The following HHAT variants were observed in gnomAD, a reference collection of about 807,000 sequenced individuals.
HHAT encodes the protein hedgehog acyltransferase.
A neutral mutation model predicts 70.8 loss-of-function variants in HHAT; 47 were observed. That is an observed-to-expected ratio of 0.66 (90% CI 0.53 to 0.85). The LOEUF (loss-of-function observed/expected upper bound fraction) is 0.85. HHAT is among the 40% of genes least tolerant of loss of function. The probability of loss-of-function intolerance (pLI) is 0.00; values close to 1 mark genes in which losing one functional copy is unlikely to be tolerated. For synonymous variants in HHAT, 228 were observed against 247.6 expected (o/e 0.92, Z 0.74); for missense variants, 609 against 604.8 (o/e 1.01, Z -0.07).
chr1:210,470,562 G>A lies in HHAT; in HGVS notation c.1007+5907G>A, dbSNP rs537345237. ...ACTATCAAGTTAAAGCAAATTTTACGAACCATCATTATGTTTCGCTTCCTG... is the reference window on the plus strand; with the variant it reads ...ACTATCAAGTTAAAGCAAATTTTACAAACCATCATTATGTTTCGCTTCCTG... On this transcript the variant is annotated intron_variant, in intron 8 of 11. Transcript: ENST00000261458. 1.6e-4 allele frequency among the ~76,000 whole-genome samples: 25 copies of A among 152,176 alleles called. No individual in the cohort carries two copies. The South Asian group carries it at 4.1e-3, about 25-fold the overall frequency.
intron 11 of HHAT, among the ~76,000 whole-genome samples, chr1:210,663,827 C>T (rs1409583259): frequency 6.6e-6 from 1 of 152,236 alleles, no homozygotes; most frequent in African/African-American, 2.4e-5. Context: ...TCAGCCTGTC[C>T]TCCAGGTGAT....
At chr1:210,580,491 AC>A (rs1471775500) in intron 9 of HHAT, among the ~76,000 whole-genome samples, 48 of 39,196 alleles carry the variant, frequency 1.2e-3, no homozygotes, top group Admixed American at 6.9e-3. Flanking sequence ...CCCTCCCCCC[AC>A]CCCCCACCCC....
At chr1:210,586,348 G>A (rs78153590) in intron 9 of HHAT, among the ~76,000 whole-genome samples, 1,655 of 152,220 alleles carry the variant, frequency 0.011, 30 homozygotes, top group African/African-American at 0.034. Context: ...GCTAAAGTGG[G>A]AGGATTATCT....
At chr1:210,473,334 G>C (rs1358723991) in intron 8 of HHAT, among the ~76,000 whole-genome samples, 1 of 152,138 alleles carries the variant, frequency 6.6e-6, no homozygotes, top group African/African-American at 2.4e-5. Flanking sequence ...ATTTTGAAGG[G>C]AAGAGAGTAT....
At chr1:210,415,643 A>G (rs2092697944) in intron 6 of HHAT, among the ~76,000 whole-genome samples, 1 of 151,672 alleles carries the variant, frequency 6.6e-6, no homozygotes, top group Admixed American at 6.6e-5. Context: ...GCAAAAGGGA[A>G]ATTCCTGTTG....
intron 11 of HHAT, among the ~76,000 whole-genome samples, chr1:210,630,212 C>A (rs766437780): frequency 3.3e-5 from 5 of 152,258 alleles, no homozygotes; most frequent in Middle Eastern, 3.4e-3. Context: ...GAGTAATCTC[C>A]CATCTCAAAA....
intron 10 of HHAT, among the ~76,000 whole-genome samples, chr1:210,615,317 G>A (rs2148853671): frequency 6.6e-6 from 1 of 152,178 alleles, no homozygotes; most frequent in Non-Finnish European, 1.5e-5. Flanking sequence ...CTCTGCATTG[G>A]TTATTCTAGT....
chr1:210,508,036 A>G (rs928924052), intron 8 of HHAT, among the ~76,000 whole-genome samples: 1 of 130,730 alleles, frequency 7.6e-6, no homozygotes, highest in Non-Finnish European at 1.8e-5. Context: ...CATCTCTACT[A>G]AAAATACAAA....
intron 9 of HHAT, among the ~76,000 whole-genome samples, chr1:210,521,690 A>G (rs2095160828): frequency 6.6e-6 from 1 of 152,184 alleles, no homozygotes; most frequent in African/African-American, 2.4e-5. Flanking sequence ...CCTCTTTAAG[A>G]AGCAAGGTGG....
At chr1:210,642,489 T>C (rs962098709) in intron 11 of HHAT, among the ~76,000 whole-genome samples, 1 of 152,232 alleles carries the variant, frequency 6.6e-6, no homozygotes, top group Admixed American at 6.5e-5. Context: ...ATGAGGAACC[T>C]AGTGGCCTCA....
At chr1:210,411,803 G>T (rs1213553391) in intron 6 of HHAT, among the ~76,000 whole-genome samples, 1 of 150,534 alleles carries the variant, frequency 6.6e-6, no homozygotes, top group Admixed American at 6.7e-5. Flanking sequence ...GAGTGATTTT[G>T]CTGCCTCTAC....
At chr1:210,463,358 C>G (rs2094021123) in intron 7 of HHAT, among the ~76,000 whole-genome samples, 1 of 152,176 alleles carries the variant, frequency 6.6e-6, no homozygotes, top group South Asian at 2.1e-4. Context: ...TCTACTTTGT[C>G]TCTATAGATT....
At chr1:210,516,213 G>A (rs1392677617) in intron 9 of HHAT, among the ~76,000 whole-genome samples, 5 of 152,176 alleles carry the variant, frequency 3.3e-5, no homozygotes, top group East Asian at 1.9e-4. Flanking sequence ...GGTTGAAGAC[G>A]GTGGGGTTAG....
At chr1:210,672,090 A>G (rs1680206538) in intron 11 of HHAT, among the ~76,000 whole-genome samples, 2 of 152,180 alleles carry the variant, frequency 1.3e-5, no homozygotes, top group Non-Finnish European at 2.9e-5. Context: ...CATCCTTATA[A>G]GGACACTATT....
intron 8 of HHAT, among the ~76,000 whole-genome samples, chr1:210,477,300 A>G (rs1413126355): frequency 2.6e-5 from 4 of 152,194 alleles, no homozygotes; most frequent in Non-Finnish European, 5.9e-5. Flanking sequence ...CACAGGATGC[A>G]TTTGGCCTCC....
chr1:210,517,019 T>A (rs940855970), intron 9 of HHAT, among the ~76,000 whole-genome samples: 1 of 152,200 alleles, frequency 6.6e-6, no homozygotes, highest in Non-Finnish European at 1.5e-5. Context: ...GTGAGCCCAG[T>A]CCTGCATCTT....
intron 3 of HHAT, among the ~76,000 whole-genome samples, chr1:210,380,165 A>G (rs908462734): frequency 6.6e-6 from 1 of 152,222 alleles, no homozygotes; most frequent in Non-Finnish European, 1.5e-5. Context: ...TTATTGAAGA[A>G]TACAATGCTT....
intron 1 of HHAT, among the ~76,000 whole-genome samples, chr1:210,339,416 G>C (rs956843286): frequency 9.8e-6 from 1 of 101,986 alleles, no homozygotes; most frequent in African/African-American, 6.4e-5. Context: ...CCATAAAGAA[G>C]TATGGTCTGT....
Position 210,494,564 on chromosome 1 carries a change from T to G in HHAT, c.1008-18589T>G, listed in dbSNP as rs935862069. Among the ~76,000 whole-genome samples, 11 of 107,516 alleles carry G rather than the reference T, an allele frequency of 1.0e-4. 1 individual carries two copies. Among genetic ancestry groups the G allele is most frequent in the Non-Finnish European group, 1.7e-4 (8 of 48,392 alleles). The allele number at this position is 107,516 out of a possible 152,430, so 70.5% of individuals were successfully genotyped here. ...TAGCTTTTTTTTTTTTTTTTTTTTTTTTTTTGAGACAGAGTTTGCTCTTTT... is the reference window on the plus strand; with the variant it reads ...TAGCTTTTTTTTTTTTTTTTTTTTTGTTTTTGAGACAGAGTTTGCTCTTTT... On this transcript the variant is annotated intron_variant, in intron 8 of 11. Transcript: ENST00000261458.
Sources: gnomAD v4.1 joint callset for allele counts (sites outside exome capture counted in the v4.1 genomes callset) on GRCh38, gnomAD v4.1.1 for gene constraint, MANE v1.5 for transcripts, NCBI Gene and HGNC (gene_info 2026-07-23, HGNC 2026-07-21) for gene names.